Variants in RBFOX1 observed in about 807,000 individuals in gnomAD.
The protein encoded by RBFOX1 is RNA binding protein fox-1 homolog 1.
Under a neutral mutation model 57.7 loss-of-function variants are expected in RBFOX1, and 8 were observed. The ratio of observed to expected loss-of-function variants is 0.14; its 90% CI spans 0.08 to 0.25. RBFOX1 has a LOEUF of 0.25. RBFOX1 is among the 10% of genes least tolerant of loss of function. The probability of loss-of-function intolerance (pLI) is 1.00; values close to 1 mark genes in which losing one functional copy is unlikely to be tolerated. For synonymous variants in RBFOX1, 326 were observed against 222.4 expected, an observed-to-expected ratio of 1.47 and a Z score of -4.15; for missense variants, 611 against 548.5, an observed-to-expected ratio of 1.11 and a Z score of -1.14.
At chr16:6,419,746 C>G (rs1010947563) in intron 2 of RBFOX1, among the ~76,000 whole-genome samples, 1 of 152,154 alleles carries the variant, frequency 6.6e-6, no homozygotes, top group African/African-American at 2.4e-5. Context: ...CTTTTACACG[C>G]AGCACACACA....
intron 4 of RBFOX1, among the ~76,000 whole-genome samples, chr16:7,365,789 A>C (rs2097432214): frequency 6.6e-6 from 1 of 152,214 alleles, no homozygotes; most frequent in South Asian, 2.1e-4. Context: ...AGTGTATGCA[A>C]AGTGATGACT....
chr16:6,569,732 C>T (rs1004064167), intron 2 of RBFOX1, among the ~76,000 whole-genome samples: 1 of 152,186 alleles, frequency 6.6e-6, no homozygotes, highest in Non-Finnish European at 1.5e-5. Flanking sequence ...ATTTAGTATT[C>T]TCCCTTCATT....
intron 4 of RBFOX1, among the ~76,000 whole-genome samples, chr16:7,447,150 A>G (rs1490013464): frequency 6.6e-6 from 1 of 151,930 alleles, no homozygotes; most frequent in East Asian, 2.0e-4. Flanking sequence ...TGACACTTAC[A>G]GAATTTGGGA....
At chr16:6,731,796 C>T (rs1047859207) in intron 3 of RBFOX1, among the ~76,000 whole-genome samples, 1 of 152,098 alleles carries the variant, frequency 6.6e-6, no homozygotes. Flanking sequence ...CTCCCTTCCC[C>T]ACTGCTGTTT....
chr16:6,220,164 G>GTA (rs1241774650), intron 1 of RBFOX1, among the ~76,000 whole-genome samples: 3 of 151,856 alleles, frequency 2.0e-5, no homozygotes, highest in Non-Finnish European at 2.9e-5. Flanking sequence ...ATATGTGTGT[G>GTA]TATATATATA....
chr16:6,364,036 C>T (rs1200574718), intron 2 of RBFOX1, among the ~76,000 whole-genome samples: 1 of 152,138 alleles, frequency 6.6e-6, no homozygotes, highest in African/African-American at 2.4e-5. Flanking sequence ...GGAATAGTGG[C>T]CTGTATTTTG....
chr16:7,515,429 G>C (rs557653790), intron 4 of RBFOX1, among the ~76,000 whole-genome samples: 2 of 151,672 alleles, frequency 1.3e-5, no homozygotes, highest in Non-Finnish European at 2.9e-5. Flanking sequence ...TTATATACTG[G>C]AAGTGTGCTA....
intron 3 of RBFOX1, among the ~76,000 whole-genome samples, chr16:5,719,078 C>A (rs891022378): frequency 3.9e-5 from 6 of 151,922 alleles, no homozygotes; most frequent in Admixed American, 1.3e-4. Context: ...TAAAAGTTAA[C>A]TGTTATGAAG....
chr16:7,477,138 C>T (rs188452281), intron 4 of RBFOX1, among the ~76,000 whole-genome samples: 2 of 152,278 alleles, frequency 1.3e-5, no homozygotes, highest in Admixed American at 1.3e-4. Context: ...AGACCTGTCA[C>T]ACATGAGAAT....
At chr16:6,555,465 G>A (rs921377065) in intron 2 of RBFOX1, among the ~76,000 whole-genome samples, 1 of 152,058 alleles carries the variant, frequency 6.6e-6, no homozygotes, top group African/African-American at 2.4e-5. Context: ...TTTGGGAGGC[G>A]GAGACAGGCG....
At chr16:6,775,044 G>A (rs1468219347) in intron 3 of RBFOX1, among the ~76,000 whole-genome samples, 1 of 151,778 alleles carries the variant, frequency 6.6e-6, no homozygotes, top group Admixed American at 6.6e-5. Context: ...ATGTAGACAA[G>A]GCAGGGCGCA....
chr16:6,873,296 A>G (rs891262323), intron 3 of RBFOX1, among the ~76,000 whole-genome samples: 2 of 152,188 alleles, frequency 1.3e-5, no homozygotes, highest in African/African-American at 4.8e-5. Context: ...TAACTCTTTT[A>G]ACACCTTGAG....
At chr16:6,991,544 G>T (rs1379979252) in intron 3 of RBFOX1, among the ~76,000 whole-genome samples, 1 of 151,948 alleles carries the variant, frequency 6.6e-6, no homozygotes, top group African/African-American at 2.4e-5. Context: ...TCTTTTTGTT[G>T]TTGTTGTTTT....
chr16:6,649,860 C>T (rs911593487), intron 2 of RBFOX1, among the ~76,000 whole-genome samples: 1 of 152,030 alleles, frequency 6.6e-6, no homozygotes, highest in African/African-American at 2.4e-5. Flanking sequence ...ATATTGTATT[C>T]ATCTATGTAT....
intron 4 of RBFOX1, among the ~76,000 whole-genome samples, chr16:7,357,963 A>G (rs928694023): frequency 3.3e-5 from 5 of 151,922 alleles, no homozygotes; most frequent in African/African-American, 1.2e-4. Context: ...CTTAATAGGG[A>G]GGGTTACTTT....
chr16:6,991,457 C>A (rs1375767207), intron 3 of RBFOX1, among the ~76,000 whole-genome samples: 1 of 152,180 alleles, frequency 6.6e-6, no homozygotes, highest in Admixed American at 6.6e-5. Context: ...ATGATTAGCA[C>A]AAATACGTAG....
chr16:6,855,726 A>T (rs1425694143), intron 3 of RBFOX1, among the ~76,000 whole-genome samples: 1 of 151,572 alleles, frequency 6.6e-6, no homozygotes, highest in Admixed American at 6.6e-5. Context: ...CACTTCCTAG[A>T]TTTATTGGAT....
chr16:5,975,834 A>C (rs1027426716), intron 4 of RBFOX1, among the ~76,000 whole-genome samples: 1 of 152,226 alleles, frequency 6.6e-6, no homozygotes, highest in Non-Finnish European at 1.5e-5. Flanking sequence ...GTAATAACTC[A>C]GTCAAAATAA....
At chr16:6,842,589 C>G (rs57173360) in intron 3 of RBFOX1, among the ~76,000 whole-genome samples, 4 of 149,178 alleles carry the variant, frequency 2.7e-5, no homozygotes, top group Admixed American at 1.3e-4. Flanking sequence ...TATAGACATA[C>G]TTAATTTATG....
Sources: allele counts gnomAD v4.1 joint callset (sites outside exome capture counted in the v4.1 genomes callset), GRCh38; gene constraint gnomAD v4.1.1; transcripts MANE v1.5; gene names NCBI Gene and HGNC (gene_info 2026-07-23, HGNC 2026-07-21).